CC2D2A: variants seen among roughly 807,000 people sequenced by gnomAD.
CC2D2A encodes the protein coiled-coil and C2 domain containing 2A, also known as coiled-coil and C2 domain-containing protein 2A.
Under a neutral mutation model 212.9 loss-of-function variants are expected in CC2D2A, and 155 were observed. The observed-to-expected ratio is 0.73, with a 90% CI of 0.64 to 0.83. CC2D2A has a LOEUF of 0.83. Among genes scored for constraint, CC2D2A ranks in the 40% least tolerant of loss-of-function variants. The probability of loss-of-function intolerance (pLI) is 0.00; values close to 1 mark genes in which losing one functional copy is unlikely to be tolerated. For missense variants in CC2D2A, 1,856 were observed against 1,956.2 expected, an observed-to-expected ratio of 0.95 and a Z score of 0.97; for synonymous variants, 667 against 686.5, an observed-to-expected ratio of 0.97 and a Z score of 0.44.
intron 26 of CC2D2A, among the ~76,000 whole-genome samples, chr4:15,568,896 G>C (rs1720026557): frequency 6.6e-6 from 1 of 152,154 alleles, no homozygotes; most frequent in South Asian, 2.1e-4. Flanking sequence ...GAGTGGTTTT[G>C]CTGGAGAAGC....
intron 29 of CC2D2A, chr4:15,576,239 G>T (rs1720399131): frequency 5.0e-6 from 1 of 198,790 alleles, no homozygotes; most frequent in Admixed American, 6.5e-5. Context: ...GAACCCTTAT[G>T]TCCAAAAGAG....
At chr4:15,583,110 G>A (rs1051105031) in intron 30 of CC2D2A, among the ~76,000 whole-genome samples, 7 of 151,994 alleles carry the variant, frequency 4.6e-5, no homozygotes, top group Non-Finnish European at 1.0e-4. Context: ...TTCAACAGAT[G>A]GTGAAAAAGA....
intron 4 of CC2D2A, among the ~76,000 whole-genome samples, chr4:15,488,162 C>A (rs1415163897): frequency 6.6e-6 from 1 of 152,086 alleles, no homozygotes; most frequent in Non-Finnish European, 1.5e-5. Flanking sequence ...GATTTTTATA[C>A]CTTCAGATTT....
intron 3 of CC2D2A, chr4:15,479,257 T>G: frequency 6.5e-7 from 1 of 1,537,196 alleles, no homozygotes; most frequent in East Asian, 2.4e-5. Context: ...TGCTGGCAGA[T>G]CCTCCCCCAC....
At chr4:15,530,031 G>GC (rs1257211113) in intron 13 of CC2D2A, among the ~76,000 whole-genome samples, 12 of 151,590 alleles carry the variant, frequency 7.9e-5, no homozygotes, top group African/African-American at 2.7e-4. Context: ...GAGTGCAGTG[G>GC]TGCGATTTCG....
intron 4 of CC2D2A, chr4:15,481,371 C>T (rs181383537): frequency 2.9e-4 from 105 of 360,016 alleles, no homozygotes; most frequent in Admixed American, 1.2e-3. Context: ...ATTAGCCAGG[C>T]GTGGTGGCGC....
intron 30 of CC2D2A, among the ~76,000 whole-genome samples, chr4:15,583,511 C>T (rs898743560): frequency 2.0e-5 from 3 of 151,976 alleles, no homozygotes; most frequent in Non-Finnish European, 2.9e-5. Context: ...AAATCAACAT[C>T]GAAAATTTAG....
intron 20 of CC2D2A, among the ~76,000 whole-genome samples, chr4:15,556,489 C>T (rs973714874): frequency 3.3e-5 from 5 of 152,158 alleles, no homozygotes; most frequent in African/African-American, 7.2e-5. Flanking sequence ...TTTCAATAGA[C>T]ACGTCACTTT....
intron 18 of CC2D2A, among the ~76,000 whole-genome samples, chr4:15,552,929 C>T (rs1175891747): frequency 2.0e-5 from 3 of 152,224 alleles, no homozygotes; most frequent in Admixed American, 1.3e-4. Flanking sequence ...GGTGGACCCA[C>T]TCGAGAGTGC....
intron 13 of CC2D2A, among the ~76,000 whole-genome samples, chr4:15,529,425 TAGCAG>T (rs1277556528): frequency 2.0e-5 from 3 of 151,586 alleles, no homozygotes; most frequent in Admixed American, 1.3e-4. Flanking sequence ...AATAACCCAG[TAGCAG>T]AGTAAACCCA....
intron 11 of CC2D2A, among the ~76,000 whole-genome samples, chr4:15,525,596 G>C (rs531606555): frequency 1.3e-5 from 2 of 152,286 alleles, no homozygotes; most frequent in East Asian, 3.9e-4. Flanking sequence ...ATCTCTGAAA[G>C]GCCACCCAGG....
At chr4:15,522,345 G>C (rs1042286948) in intron 11 of CC2D2A, among the ~76,000 whole-genome samples, 1 of 152,094 alleles carries the variant, frequency 6.6e-6, no homozygotes, top group African/African-American at 2.4e-5. Flanking sequence ...ACTTCACCCG[G>C]CAGGATCGAC....
chr4:15,515,750 G>T, intron 9 of CC2D2A, 118 bp from the exon 10 acceptor site: 3 of 1,038,972 alleles, frequency 2.9e-6, no homozygotes, highest in South Asian at 1.8e-5. Flanking sequence ...AATTAATTTG[G>T]AAAATTTGCA....
chr4:15,599,750 T>A, intron 36 of CC2D2A, 44 bp downstream of exon 36: 1 of 1,454,838 alleles, frequency 6.9e-7, no homozygotes, highest in Non-Finnish European at 9.3e-7. Flanking sequence ...ATTTCCTTGT[T>A]TCAAATTGGA....
chr4:15,557,909 AC>A, intron 21 of CC2D2A, among the ~76,000 whole-genome samples: 1 of 152,312 alleles, frequency 6.6e-6, no homozygotes, highest in South Asian at 2.1e-4. Context: ...TACTCAGCAC[AC>A]TGGTAAAGCA....
Position 15,515,982 on chromosome 4 carries a change from A to T in CC2D2A, c.995A>T (p.Asn332Ile). The stretch of plus-strand genomic sequence containing the variant: ...CGCACCAATCAGAACATCATGGAGA[A>T]CAGATTGCTGATGCAGGACCCCGTA... ...VARTNQNIME[N>I]RLLMQDPERR... The change falls in exon 10 of 37, where the codon AAC becomes ATC. Residue 332 changes from asparagine to isoleucine, a missense_variant. Coordinates refer to ENST00000424120, the MANE Select transcript of CC2D2A (RefSeq NM_001378615.1). 6.3e-7 allele frequency: 1 copy of T among 1,591,104 alleles called. No homozygotes were observed. The highest frequency in any genetic ancestry group is 8.6e-7 in the Non-Finnish European group (1 of 1,168,452).
chr4:15,556,402 G>C (rs1196636141), intron 20 of CC2D2A, among the ~76,000 whole-genome samples: 1 of 152,188 alleles, frequency 6.6e-6, no homozygotes, highest in African/African-American at 2.4e-5. Context: ...ACCTTAGTGT[G>C]CCTAATAGAA....
rs763813784 is a variant in CC2D2A, at chr4:15,588,555, CAA to C, written c.4179+628_4179+629del. ...TTCACATACATTAGAGCAGTTTATC[CAA>C]AGAGGCCACAAGGCTCTAGGAATCC... On this transcript the variant is annotated intron_variant, in intron 32 of 36. Coordinates refer to ENST00000424120, the MANE Select transcript of CC2D2A (RefSeq NM_001378615.1). 6.0e-4 allele frequency among the ~76,000 whole-genome samples: 91 copies of C among 152,164 alleles called. No homozygotes were observed. In the Middle Eastern group the frequency reaches 0.01, roughly 17 times the overall value.
In CC2D2A at chr4:15,578,787, GGTTT is replaced by G. The variant is rs566721631; in HGVS notation, c.3772-1152_3772-1149del. 3.0e-3 allele frequency among the ~76,000 whole-genome samples: 422 copies of G among 142,018 alleles called. 1 individual carries two copies. The highest frequency in any genetic ancestry group is 0.015 in the East Asian group (73 of 4,730). The allele number at this position is 142,018 out of a possible 152,430, so 93.2% of individuals were successfully genotyped here. On this transcript the variant is annotated intron_variant, in intron 29 of 36. Coordinates refer to ENST00000424120, the MANE Select transcript of CC2D2A (RefSeq NM_001378615.1). ...ACTACAAGCACGCATCACTACACCT[GGTTT>G]GTTTGTTTGTTTGTTTGTTTGTTTG...
Sources: gnomAD v4.1 joint callset for allele counts (sites outside exome capture counted in the v4.1 genomes callset) on GRCh38, gnomAD v4.1.1 for gene constraint, MANE v1.5 for transcripts, NCBI Gene and HGNC (gene_info 2026-07-23, HGNC 2026-07-21) for gene names.